CDH5: variants seen among roughly 807,000 people sequenced by gnomAD.
CDH5 encodes the protein cadherin-5.
Under a neutral mutation model 62.0 loss-of-function variants are expected in CDH5, and 28 were observed. The observed-to-expected ratio is 0.45, with a 90% CI of 0.33 to 0.62. The LOEUF (loss-of-function observed/expected upper bound fraction) is 0.62. CDH5 is among the 20% of genes least tolerant of loss of function. The pLI is 0.02. For missense variants in CDH5, 940 were observed against 1,065.1 expected (o/e 0.88, Z 1.63); for synonymous variants, 464 against 445.8 (o/e 1.04, Z -0.52).
chr16:66,391,388 T>G lies in CDH5; in HGVS notation c.970-748T>G, dbSNP rs535522193. On this transcript the variant is annotated intron_variant, in intron 6 of 11. Transcript: ENST00000341529. ...TAGGAGGGGTTTCTGAGAGAGCATC[T>G]GATTACCTTCTGCTTGGCTTCCTGA... Among the ~76,000 whole-genome samples, 6 of 152,238 alleles carry G rather than the reference T, an allele frequency of 3.9e-5. No individual in the cohort carries two copies. The South Asian group carries it at 1.2e-3, about 32-fold the overall frequency.
At chr16:66,390,692 AC>A in intron 6 of CDH5, 102 bp downstream of exon 6, 1 of 1,095,816 alleles carries the variant, frequency 9.1e-7, no homozygotes, top group Non-Finnish European at 1.3e-6. Flanking sequence ...CCATCAAAGG[AC>A]CATCAAAGCT....
chr16:66,387,420 A>C (rs1961005513), intron 3 of CDH5, among the ~76,000 whole-genome samples: 1 of 151,020 alleles, frequency 6.6e-6, no homozygotes, highest in African/African-American at 2.4e-5. Context: ...GAACCCTGAC[A>C]CTGGTCACAG....
At chr16:66,396,337 A>G (rs1378301614) in intron 8 of CDH5, 136 bp downstream of exon 8, 4 of 1,010,466 alleles carry the variant, frequency 4.0e-6, no homozygotes, top group South Asian at 1.4e-5. Context: ...TTGGGATGCT[A>G]TAGAGCTCCC....
intron 6 of CDH5, 39 bp from the exon 7 acceptor site, chr16:66,392,097 G>A: frequency 6.2e-7 from 1 of 1,612,488 alleles, no homozygotes; most frequent in Non-Finnish European, 8.5e-7. Flanking sequence ...CACATGCTTG[G>A]CCCAGAGCAG....
chr16:66,375,567 A>T (rs1276210932), intron 1 of CDH5, among the ~76,000 whole-genome samples: 1 of 151,880 alleles, frequency 6.6e-6, no homozygotes, highest in Non-Finnish European at 1.5e-5. Flanking sequence ...AAAATAAAAA[A>T]ATAAAAAATG....
Position 66,392,125 on chromosome 16 carries a change from T to C in CDH5, c.970-11T>C, listed in dbSNP as rs1395745429. On this transcript the variant is annotated splice_polypyrimidine_tract_variant and intron_variant, in intron 6 of 11. Coordinates refer to ENST00000341529, the MANE Select transcript of CDH5 (RefSeq NM_001795.5). The stretch of plus-strand genomic sequence containing the variant: ...CAGAGCAGGCACTCACCATCCTTTT[T>C]CCTTACGCAGCCTCTGGATTATGAA... 4 of 1,613,806 alleles carry C rather than the reference T, an allele frequency of 2.5e-6. No individual in the cohort carries two copies. The Admixed American group carries it at 5.0e-5, about 20-fold the overall frequency.
At chr16:66,368,926 G>T (rs1960635942) in intron 1 of CDH5, among the ~76,000 whole-genome samples, 1 of 152,198 alleles carries the variant, frequency 6.6e-6, no homozygotes, top group Non-Finnish European at 1.5e-5. Flanking sequence ...CTTCACCTCT[G>T]GCTGAGGAGA....
chr16:66,387,131 C>T (rs1313211482), intron 3 of CDH5, 34 bp downstream of exon 3: 10 of 1,584,930 alleles, frequency 6.3e-6, no homozygotes, highest in Non-Finnish European at 8.6e-6. Context: ...CTCCTCCCTC[C>T]CTCATCCCCA....
At chr16:66,391,991 G>A in intron 6 of CDH5, 145 bp from the exon 7 acceptor site, 1 of 969,932 alleles carries the variant, frequency 1.0e-6, no homozygotes, top group Non-Finnish European at 1.6e-6. Context: ...GATGACCTCA[G>A]AAATATCACT....
chr16:66,386,056 T>C (rs1301085801), intron 2 of CDH5, among the ~76,000 whole-genome samples: 1 of 152,206 alleles, frequency 6.6e-6, no homozygotes, highest in Non-Finnish European at 1.5e-5. Context: ...TATTTCCATT[T>C]TACAAATGAG....
chr16:66,383,716 T>A (rs552627823), intron 2 of CDH5, among the ~76,000 whole-genome samples: 53 of 152,158 alleles, frequency 3.5e-4, no homozygotes, highest in Non-Finnish European at 5.6e-4. Flanking sequence ...CAGCTGTTCA[T>A]CATGCATCCT....
intron 2 of CDH5, among the ~76,000 whole-genome samples, chr16:66,385,496 A>G (rs1960967618): frequency 6.6e-6 from 1 of 152,178 alleles, no homozygotes; most frequent in Non-Finnish European, 1.5e-5. Flanking sequence ...TATTTTATGC[A>G]CCATTTTCTG....
intron 1 of CDH5, among the ~76,000 whole-genome samples, chr16:66,373,519 G>A (rs1423966142): frequency 6.6e-6 from 1 of 151,756 alleles, no homozygotes; most frequent in East Asian, 1.9e-4. Flanking sequence ...AGGTTCAAGC[G>A]ATTCTCGTGC....
intron 1 of CDH5, chr16:66,377,827 T>C (rs2142313297): frequency 6.6e-6 from 1 of 152,258 alleles, no homozygotes; most frequent in Non-Finnish European, 1.5e-5. Flanking sequence ...CGTGGGGCTG[T>C]AGAGAAAACC....
chr16:66,393,883 G>C (rs1404039213), intron 7 of CDH5, among the ~76,000 whole-genome samples: 8 of 152,128 alleles, frequency 5.3e-5, no homozygotes, highest in African/African-American at 1.9e-4. Flanking sequence ...GACAAAATAT[G>C]TTCTTCCATT....
chr16:66,384,395 G>T (rs1960948530), intron 2 of CDH5, among the ~76,000 whole-genome samples: 1 of 151,508 alleles, frequency 6.6e-6, no homozygotes, highest in South Asian at 2.1e-4. Context: ...TGCCCCCCGA[G>T]TCCAGCCTTT....
chr16:66,373,151 A>G (rs539551085), intron 1 of CDH5, among the ~76,000 whole-genome samples: 1 of 152,202 alleles, frequency 6.6e-6, no homozygotes, highest in African/African-American at 2.4e-5. Flanking sequence ...GGTGCCCCAA[A>G]TCTACCTGGC....
rs1358417367 is a variant in CDH5, at chr16:66,402,824, G to A, written c.2010G>A (p.Gly670=). Reference sequence around the variant, plus strand: ...TGCTCAACTCGGTGCGCCGCGGCGGGGCCAAGCCCCCGCGGCCCGCGCTGG... The same window carrying A: ...TGCTCAACTCGGTGCGCCGCGGCGGAGCCAAGCCCCCGCGGCCCGCGCTGG... The part of the protein sequence containing the change: ...VSVLNSVRRG[G]AKPPRPALDA... Residue 670 remains glycine, a synonymous_variant, in exon 12 of 12, where the codon GGG becomes GGA. Coordinates refer to ENST00000341529, the MANE Select transcript of CDH5 (RefSeq NM_001795.5). The A allele has an allele frequency of 1.3e-6, 2 of 1,599,638 alleles. No homozygotes were observed. The highest frequency in any genetic ancestry group is 1.7e-6 in the Non-Finnish European group (2 of 1,173,858).
chr16:66,396,740 G>A (rs1183217075), intron 8 of CDH5, among the ~76,000 whole-genome samples: 1 of 152,188 alleles, frequency 6.6e-6, no homozygotes, highest in Non-Finnish European at 1.5e-5. Flanking sequence ...TTTTGCCAGA[G>A]GGAGGGGCAA....
Sources: allele counts gnomAD v4.1 joint callset (sites outside exome capture counted in the v4.1 genomes callset), GRCh38; gene constraint gnomAD v4.1.1; transcripts MANE v1.5; gene names NCBI Gene and HGNC (gene_info 2026-07-23, HGNC 2026-07-21).